The following ALG11 variants were observed in gnomAD, a reference collection of about 807,000 sequenced individuals.
ALG11 encodes the protein ALG11 alpha-1,2-mannosyltransferase.
In ALG11, 26 loss-of-function variants were observed where a neutral mutation model predicts 38.8. The ratio of observed to expected loss-of-function variants is 0.67; its 90% CI spans 0.49 to 0.93. ALG11 has a LOEUF of 0.93. Among genes scored for constraint, ALG11 ranks in the 40% least tolerant of loss-of-function variants. The probability of loss-of-function intolerance (pLI) is 0.00; values close to 1 mark genes in which losing one functional copy is unlikely to be tolerated. For missense variants in ALG11, 535 were observed against 578.8 expected (o/e 0.92, Z 0.78); for synonymous variants, 199 against 211.6 (o/e 0.94, Z 0.52).
chr13:52,014,975 TAG>T (rs1399300634), intron 1 of ALG11, among the ~76,000 whole-genome samples: 2 of 152,198 alleles, frequency 1.3e-5, no homozygotes, highest in Non-Finnish European at 2.9e-5. Context: ...GGATTTCAAA[TAG>T]AGTCAAATAC....
At chr13:52,025,361 CACTACAT>C (rs1330915365) in intron 3 of ALG11, among the ~76,000 whole-genome samples, 1 of 152,202 alleles carries the variant, frequency 6.6e-6, no homozygotes, top group Non-Finnish European at 1.5e-5. Flanking sequence ...CATCTAACCC[CACTACAT>C]ACTTACTGGT....
At position 52,030,702 on chromosome 13, in the gene ALG11, G is replaced by C. The variant is rs1482405477; in HGVS notation, c.*2112G>C. The C allele has an allele frequency of 1.9e-6, 3 of 1,614,194 alleles. No individual in the cohort carries two copies. Among genetic ancestry groups the C allele is most frequent in the Non-Finnish European group, 2.5e-6 (3 of 1,180,036 alleles). ...CTGACACTACCTGGCTGGGGCGAGTGGGGTGGTGTGGGCCTAAAGCCCAGT... is the reference window on the plus strand; with the variant it reads ...CTGACACTACCTGGCTGGGGCGAGTCGGGTGGTGTGGGCCTAAAGCCCAGT... On this transcript the variant is annotated 3_prime_UTR_variant, in exon 4 of 4. Transcript: ENST00000521508.
chr13:52,014,225 A>C (rs1954116025), intron 1 of ALG11, among the ~76,000 whole-genome samples: 1 of 152,246 alleles, frequency 6.6e-6, no homozygotes, highest in Admixed American at 6.5e-5. Flanking sequence ...AGGAGGAGCC[A>C]CTATCTGGTT....
In ALG11 at chr13:52,024,556, A is replaced by G; in HGVS notation, c.826A>G (p.Asn276Asp). Residue 276 changes from asparagine (N) to aspartate (D), a missense_variant, in exon 3 of 4, where the codon AAC becomes GAC. Coordinates refer to ENST00000521508, the MANE Select transcript of ALG11 (RefSeq NM_001004127.3). ...ACTATGGAAAGTTGGGAATTGCACT[A>G]ACATTGTTTATCCACCTTGTGATGT... ...LSLWKVGNCTNIVYPPCDVQT... is the reference protein window; with the variant it reads ...LSLWKVGNCTDIVYPPCDVQT... The G allele has an allele frequency of 6.2e-7, 1 of 1,614,230 alleles. No homozygotes were observed. The highest frequency in any genetic ancestry group is 8.5e-7 in the Non-Finnish European group (1 of 1,180,038).
At position 52,029,274 on chromosome 13, in the gene ALG11, T is replaced by G. The variant is rs763915286; in HGVS notation, c.*684T>G. On this transcript the variant is annotated 3_prime_UTR_variant, in exon 4 of 4. Transcript: ENST00000521508. ...AAGAACCAGCAGGCAGAGCAGCTGGTTTTTCCCCTGGGGAAGGAGCAGCCA... is the reference window on the plus strand; with the variant it reads ...AAGAACCAGCAGGCAGAGCAGCTGGGTTTTCCCCTGGGGAAGGAGCAGCCA... 128 of 1,614,006 alleles carry G rather than the reference T, an allele frequency of 7.9e-5. No homozygotes were observed. The highest frequency in any genetic ancestry group is 1.1e-4 in the South Asian group (10 of 91,078).
chr13:52,031,903 A>G lies in ALG11; in HGVS notation c.*3313A>G, dbSNP rs1313397043. The G allele has an allele frequency of 1.2e-5, 2 of 167,112 alleles. No individual in the cohort carries two copies. Among genetic ancestry groups the G allele is most frequent in the African/African-American group, 4.8e-5 (2 of 41,466 alleles). 10.4% of individuals were successfully genotyped at this position (167,112 alleles called of 1,614,324 possible). On this transcript the variant is annotated 3_prime_UTR_variant, in exon 4 of 4. Transcript: ENST00000521508. ...CCTTTTAGAGTTGGAATGAGATGGA[A>G]AGTAGATGAAACTACTTTGAAAATT...
rs776090463 is a variant in ALG11, at chr13:52,028,762, C to T, written c.*172C>T. ...GAAAAGAAAATGGATGACTAGCCTT[C>T]GGCTTCCATTCTTGGTATACATGAG... On this transcript the variant is annotated 3_prime_UTR_variant, in exon 4 of 4. Transcript: ENST00000521508. The T allele has an allele frequency of 6.3e-5, 102 of 1,613,462 alleles. No individual in the cohort carries two copies. The East Asian group carries it at 1.9e-3, about 30-fold the overall frequency.
At chr13:52,018,518 A>C (rs1323749793) in intron 1 of ALG11, among the ~76,000 whole-genome samples, 1 of 152,214 alleles carries the variant, frequency 6.6e-6, no homozygotes, top group Non-Finnish European at 1.5e-5. Flanking sequence ...CGTTCAAAAG[A>C]CATATTTTTT....
In ALG11 at chr13:52,030,359, G is replaced by A; in HGVS notation, c.*1769G>A. 6.2e-7 allele frequency: 1 copy of A among 1,614,198 alleles called. No individual in the cohort carries two copies. The highest frequency in any genetic ancestry group is 1.1e-5 in the South Asian group (1 of 91,084). ...AGAGCTAGAAGAGCTGGGAAAAGAA[G>A]ATTGTTTTCAAAATAAGGAGCTTCC... On this transcript the variant is annotated 3_prime_UTR_variant, in exon 4 of 4. Transcript: ENST00000521508.
intron 1 of ALG11, chr13:52,015,722 A>T (rs1324377791): frequency 6.5e-6 from 1 of 153,046 alleles, no homozygotes; most frequent in Admixed American, 6.5e-5. Context: ...TCCCGCCATG[A>T]TTCTGAGGCC....
intron 3 of ALG11, among the ~76,000 whole-genome samples, chr13:52,025,627 T>A (rs550699505): frequency 4.0e-4 from 61 of 152,354 alleles, no homozygotes; most frequent in African/African-American, 1.4e-3. Flanking sequence ...TAAATCTCCT[T>A]GCACTTTAGC....
Position 52,030,412 on chromosome 13 carries a change from A to C in ALG11, c.*1822A>C. ...GACCTGTGTTAGAAGGACAGCAGTC[A>C]GAGAGGACCCCAAATAATCGGCCTG... On this transcript the variant is annotated 3_prime_UTR_variant, in exon 4 of 4. Transcript: ENST00000521508. 1 of 1,614,184 alleles carries C rather than the reference A, an allele frequency of 6.2e-7. No homozygotes were observed.
chr13:52,030,897 T>C lies in ALG11; in HGVS notation c.*2307T>C. 6.2e-6 allele frequency: 10 copies of C among 1,614,118 alleles called. No homozygotes were observed. Among genetic ancestry groups the C allele is most frequent in the Non-Finnish European group, 8.5e-6 (10 of 1,180,022 alleles). On this transcript the variant is annotated 3_prime_UTR_variant, in exon 4 of 4. Coordinates refer to ENST00000521508, the MANE Select transcript of ALG11 (RefSeq NM_001004127.3). Reference sequence around the variant, plus strand: ...CACCATCGGCAATTTGAAAGGACCATCCAGACCCCTATAGGATCCACATGG... The same window carrying C: ...CACCATCGGCAATTTGAAAGGACCACCCAGACCCCTATAGGATCCACATGG...
At chr13:52,016,997 A>G (rs1247158932) in intron 1 of ALG11, 1 of 152,286 alleles carries the variant, frequency 6.6e-6, no homozygotes, top group Non-Finnish European at 1.5e-5. Flanking sequence ...CTGCAAATCT[A>G]CAGGGGCAGA....
chr13:52,027,704 T>C (rs919010785), intron 3 of ALG11, among the ~76,000 whole-genome samples: 2 of 152,256 alleles, frequency 1.3e-5, no homozygotes, highest in African/African-American at 4.8e-5. Flanking sequence ...TGCAGTAGTC[T>C]CAAATATGCC....
rs760414709 is a variant in ALG11, at chr13:52,030,146, G to C, written c.*1556G>C. On this transcript the variant is annotated 3_prime_UTR_variant, in exon 4 of 4. Transcript: ENST00000521508. ...GCCAGCAAGCAGTCAAGAAACAAAA[G>C]ATTCTAGCAGCCAGGAGGTGCTGTC... The C allele has an allele frequency of 1.2e-6, 2 of 1,614,092 alleles. No individual in the cohort carries two copies.
In ALG11 at chr13:52,031,351, T is replaced by G. The variant is rs553467950; in HGVS notation, c.*2761T>G. On this transcript the variant is annotated 3_prime_UTR_variant, in exon 4 of 4. Coordinates refer to ENST00000521508, the MANE Select transcript of ALG11 (RefSeq NM_001004127.3). Reference sequence around the variant, plus strand: ...CAATACAGTGGATGACCCTTTTGAATATACCTAATGATTTCCTTAAAAAAG... The same window carrying G: ...CAATACAGTGGATGACCCTTTTGAAGATACCTAATGATTTCCTTAAAAAAG... The G allele has an allele frequency of 3.7e-6, 2 of 543,488 alleles. No individual in the cohort carries two copies. The highest frequency in any genetic ancestry group is 6.9e-5 in the South Asian group (2 of 28,948). The allele number at this position is 543,488 out of a possible 1,614,324, so 33.7% of individuals were successfully genotyped here.
chr13:52,023,762 G>T, intron 2 of ALG11: 1 of 250,696 alleles, frequency 4.0e-6, no homozygotes, highest in African/African-American at 2.3e-5. Flanking sequence ...ATGCAGTCTC[G>T]GCTCTCAGTC....
chr13:52,016,301 A>G (rs1446473767), intron 1 of ALG11: 1 of 152,240 alleles, frequency 6.6e-6, no homozygotes, highest in East Asian at 1.9e-4. Flanking sequence ...GCAGCCTGAC[A>G]ATGCAGTAGA....
Sources: allele counts gnomAD v4.1 joint callset (sites outside exome capture counted in the v4.1 genomes callset), GRCh38; gene constraint gnomAD v4.1.1; transcripts MANE v1.5; gene names NCBI Gene and HGNC (gene_info 2026-07-23, HGNC 2026-07-21).